The following FIP1L1 variants were observed in gnomAD, a reference collection of about 807,000 sequenced individuals.
The protein encoded by FIP1L1 is pre-mRNA 3'-end-processing factor FIP1.
A neutral mutation model predicts 84.6 loss-of-function variants in FIP1L1; 21 were observed. The observed-to-expected ratio is 0.25, with a 90% CI of 0.18 to 0.36. The LOEUF is 0.36. FIP1L1 is among the 10% of genes least tolerant of loss of function. The pLI is 1.00. For synonymous variants in FIP1L1, 263 were observed against 242.3 expected, an observed-to-expected ratio of 1.09 and a Z score of -0.80; for missense variants, 526 against 751.1, an observed-to-expected ratio of 0.70 and a Z score of 3.50.
chr4:53,377,881 G>T lies in FIP1L1; in HGVS notation c.43G>T (p.Gly15Cys), dbSNP rs1233639364. The stretch of plus-strand genomic sequence containing the variant: ...CGAGCGCCTAGTGTCGGAGCTGAGC[G>T]GCGGGACCGGAGGGGATGAGGAGGA... ...EVERLVSELSGGTGGDEEEEW... is the reference protein window; with the variant it reads ...EVERLVSELSCGTGGDEEEEW... Residue 15 changes from glycine (G) to cysteine (C), a missense_variant, in exon 1 of 18, where the codon GGC becomes TGC. By Grantham distance (159) the Gly-to-Cys change is radical (BLOSUM62 -3). Transcript: ENST00000337488. 6.2e-7 allele frequency: 1 copy of T among 1,603,270 alleles called. No individual in the cohort carries two copies. Among genetic ancestry groups the T allele is most frequent in the South Asian group, 1.1e-5 (1 of 89,088 alleles).
intron 5 of FIP1L1, among the ~76,000 whole-genome samples, chr4:53,385,027 T>C (rs745547358): frequency 1.3e-5 from 2 of 152,180 alleles, no homozygotes; most frequent in Non-Finnish European, 2.9e-5. Context: ...ACTACCCATG[T>C]AATTTTAAAA....
chr4:53,460,731 T>G lies in FIP1L1; in HGVS notation c.*1282T>G. On this transcript the variant is annotated 3_prime_UTR_variant, in exon 18 of 18. Transcript: ENST00000337488. ...CTGAAAAAAAACTAGTAGTTTTAAT[T>G]TTTTTGGAATCATATTTTCTGAGGT... The G allele has an allele frequency of 1.7e-6, 1 of 602,184 alleles. No individual in the cohort carries two copies. Among genetic ancestry groups the G allele is most frequent in the South Asian group, 2.5e-5 (1 of 39,672 alleles). 37.3% of individuals were successfully genotyped at this position (602,184 alleles called of 1,614,324 possible). A position where few individuals can be genotyped will look rare whatever the true frequency, so the allele number is the denominator to read the frequency against.
chr4:53,452,599 G>A (rs1399070266), intron 15 of FIP1L1, among the ~76,000 whole-genome samples: 1 of 152,212 alleles, frequency 6.6e-6, no homozygotes, highest in South Asian at 2.1e-4. Context: ...GATTACAGGC[G>A]TAAGCCATCG....
rs980987 is a variant in FIP1L1 at position 53,378,154 on chromosome 4, C to G, written c.85+231C>G. 4.9e-6 allele frequency: 2 copies of G among 411,000 alleles called. No homozygotes were observed. 25.5% of individuals were successfully genotyped at this position (411,000 alleles called of 1,614,324 possible). A position where few individuals can be genotyped will look rare whatever the true frequency, so the allele number is the denominator to read the frequency against. On this transcript the variant is annotated intron_variant, in intron 1 of 17. Transcript: ENST00000337488. ...CCACCCCTGTGGCGGCCGGGCCGGG[C>G]TGGGGGGCTGTGACCGGTCCTGGCC...
intron 10 of FIP1L1, among the ~76,000 whole-genome samples, chr4:53,405,021 C>T (rs934514517): frequency 2.0e-5 from 3 of 152,108 alleles, no homozygotes; most frequent in Non-Finnish European, 4.4e-5. Context: ...AATGAGATCC[C>T]ATTTGTCAGT....
intron 10 of FIP1L1, among the ~76,000 whole-genome samples, chr4:53,407,057 G>T (rs1015685608): frequency 6.6e-6 from 1 of 152,092 alleles, no homozygotes; most frequent in African/African-American, 2.4e-5. Context: ...GCTAGTTTTT[G>T]AATGTGTTTG....
rs557363384 is a variant in FIP1L1, at chr4:53,390,389, G to C, written c.398-132G>C. The C allele has an allele frequency of 1.1e-5, 6 of 555,466 alleles. No individual in the cohort carries two copies. The East Asian group carries it at 1.8e-4, about 17-fold the overall frequency. The allele number at this position is 555,466 out of a possible 1,614,324, so 34.4% of individuals were successfully genotyped here. A position where few individuals can be genotyped will look rare whatever the true frequency, so the allele number is the denominator to read the frequency against. ...GGTTTTTTGCCAGGAATAGTAAAAA[G>C]ATGTTTGTTTTCTGTTTGTGTGTGT... is the stretch of plus-strand genomic sequence containing the variant. On this transcript the variant is annotated intron_variant, in intron 6 of 17. Coordinates refer to ENST00000337488, the MANE Select transcript of FIP1L1 (RefSeq NM_030917.4).
At chr4:53,417,546 G>A (rs1231665235) in intron 11 of FIP1L1, among the ~76,000 whole-genome samples, 1 of 147,418 alleles carries the variant, frequency 6.8e-6, no homozygotes, top group Admixed American at 7.1e-5. Context: ...GGAGGCTGAG[G>A]CAGGAGAATG....
chr4:53,444,033 C>A lies in FIP1L1; in HGVS notation c.1230-15C>A. Reference sequence around the variant, plus strand: ...ATTTGTACCAGACATAAAAATATATCTTTTTCTTCAACAGTGGACATTCCT... The same window carrying A: ...ATTTGTACCAGACATAAAAATATATATTTTTCTTCAACAGTGGACATTCCT... On this transcript the variant is annotated splice_polypyrimidine_tract_variant and intron_variant, in intron 14 of 17. Coordinates refer to ENST00000337488, the MANE Select transcript of FIP1L1 (RefSeq NM_030917.4). 1 of 1,587,964 alleles carries A rather than the reference C, an allele frequency of 6.3e-7. No homozygotes were observed. The highest frequency in any genetic ancestry group is 1.7e-5 in the Admixed American group (1 of 59,510).
intron 15 of FIP1L1, among the ~76,000 whole-genome samples, chr4:53,445,210 G>C (rs1579075263): frequency 6.6e-6 from 1 of 152,192 alleles, no homozygotes; most frequent in African/African-American, 2.4e-5. Flanking sequence ...TTTATGCTGA[G>C]TTGTGAAGTT....
At chr4:53,447,294 A>G (rs1479911333) in intron 15 of FIP1L1, among the ~76,000 whole-genome samples, 1 of 151,950 alleles carries the variant, frequency 6.6e-6, no homozygotes, top group Non-Finnish European at 1.5e-5. Context: ...ATAAAATTAT[A>G]TTACTATTTT....
At chr4:53,445,206 C>T (rs1773680023) in intron 15 of FIP1L1, among the ~76,000 whole-genome samples, 2 of 152,102 alleles carry the variant, frequency 1.3e-5, no homozygotes, top group African/African-American at 4.8e-5. Context: ...TAGTTTTATG[C>T]TGAGTTGTGA....
At chr4:53,416,045 T>C (rs1027645949) in intron 11 of FIP1L1, among the ~76,000 whole-genome samples, 3 of 152,232 alleles carry the variant, frequency 2.0e-5, no homozygotes, top group African/African-American at 7.2e-5. Context: ...CCAGTAGAAA[T>C]TTCAAGAGTT....
At chr4:53,394,811 T>C (rs1335425993) in intron 9 of FIP1L1, among the ~76,000 whole-genome samples, 1 of 152,006 alleles carries the variant, frequency 6.6e-6, no homozygotes, top group Admixed American at 6.5e-5. Flanking sequence ...TTTATAAATA[T>C]AATTTAAAAT....
At chr4:53,409,962 C>T (rs1001760098) in intron 10 of FIP1L1, among the ~76,000 whole-genome samples, 7 of 152,246 alleles carry the variant, frequency 4.6e-5, no homozygotes, top group Non-Finnish European at 8.8e-5. Context: ...CAATGCCTTG[C>T]CCTGCTTTGG....
At chr4:53,385,304 T>A (rs1295799129) in intron 5 of FIP1L1, among the ~76,000 whole-genome samples, 1 of 152,134 alleles carries the variant, frequency 6.6e-6, no homozygotes, top group African/African-American at 2.4e-5. Context: ...AATGACAATT[T>A]TTTTGGATTA....
At chr4:53,391,762 G>A (rs1276238873) in intron 9 of FIP1L1, among the ~76,000 whole-genome samples, 1 of 152,114 alleles carries the variant, frequency 6.6e-6, no homozygotes, top group South Asian at 2.1e-4. Context: ...CGTAATACAT[G>A]TTTGTAGGAT....
At chr4:53,455,688 CA>C (rs1048713758) in intron 16 of FIP1L1, among the ~76,000 whole-genome samples, 3 of 151,482 alleles carry the variant, frequency 2.0e-5, no homozygotes, top group South Asian at 4.2e-4. Context: ...TATTTTGGTG[CA>C]AAAAAAATTG....
chr4:53,390,474 G>A (rs376761566), intron 6 of FIP1L1, 47 bp from the exon 7 acceptor site: 45 of 1,188,608 alleles, frequency 3.8e-5, no homozygotes, highest in Admixed American at 9.1e-5. Context: ...GGTATCGCCT[G>A]GCTTCTTGCA....
Sources: gnomAD v4.1 joint callset for allele counts (sites outside exome capture counted in the v4.1 genomes callset) on GRCh38, gnomAD v4.1.1 for gene constraint, MANE v1.5 for transcripts, NCBI Gene and HGNC (gene_info 2026-07-23, HGNC 2026-07-21) for gene names.